The following AOAH variants were observed in gnomAD, a reference collection of about 807,000 sequenced individuals.
AOAH encodes acyloxyacyl hydrolase (neutrophil).
A neutral mutation model predicts 92.2 loss-of-function variants in AOAH; 64 were observed. The observed-to-expected ratio is 0.69, with a 90% CI of 0.57 to 0.86. The LOEUF (loss-of-function observed/expected upper bound fraction) is 0.86, where lower values mean the gene tolerates loss of function less well. AOAH is among the 40% of genes least tolerant of loss of function. The pLI is 0.00. For missense variants in AOAH, 656 were observed against 694.6 expected, an observed-to-expected ratio of 0.94 and a Z score of 0.62; for synonymous variants, 263 against 254.5, an observed-to-expected ratio of 1.03 and a Z score of -0.32.
At chr7:36,577,028 T>C (rs1788559783) in intron 12 of AOAH, among the ~76,000 whole-genome samples, 1 of 150,980 alleles carries the variant, frequency 6.6e-6, no homozygotes, top group Admixed American at 6.6e-5. Flanking sequence ...GCCTTTCTTT[T>C]TTTTTTTTTT....
At chr7:36,545,678 G>C (rs1785760150) in intron 15 of AOAH, among the ~76,000 whole-genome samples, 1 of 152,308 alleles carries the variant, frequency 6.6e-6, no homozygotes, top group African/African-American at 2.4e-5. Context: ...AGAATATGAT[G>C]CTTGTATGAA....
chr7:36,702,193 G>A (rs1798072481), intron 1 of AOAH, among the ~76,000 whole-genome samples: 1 of 152,122 alleles, frequency 6.6e-6, no homozygotes. Flanking sequence ...AAGTGTTTGT[G>A]TGTATGTGCA....
chr7:36,690,528 C>T (rs760436601), intron 1 of AOAH, among the ~76,000 whole-genome samples: 6 of 152,200 alleles, frequency 3.9e-5, no homozygotes, highest in Non-Finnish European at 7.3e-5. Flanking sequence ...TAAGAGGTTT[C>T]GCTTCCTTGA....
chr7:36,551,615 T>C (rs891922046), intron 13 of AOAH, among the ~76,000 whole-genome samples: 5 of 152,242 alleles, frequency 3.3e-5, no homozygotes, highest in Non-Finnish European at 5.9e-5. Context: ...GCTCATGTCA[T>C]ACTTGTCCTT....
chr7:36,617,949 T>C (rs560029394), intron 10 of AOAH, among the ~76,000 whole-genome samples: 1 of 152,348 alleles, frequency 6.6e-6, no homozygotes, highest in East Asian at 1.9e-4. Context: ...TAGAGGAAAA[T>C]GCAAAAGATT....
chr7:36,618,476 C>A, intron 9 of AOAH, 131 bp from the exon 10 acceptor site: 2 of 794,734 alleles, frequency 2.5e-6, no homozygotes, highest in South Asian at 1.6e-5. Context: ...GTTTCTTAAG[C>A]CCCTAATTCA....
chr7:36,643,105 T>C (rs1294632306), intron 4 of AOAH, among the ~76,000 whole-genome samples: 2 of 152,230 alleles, frequency 1.3e-5, no homozygotes, highest in Non-Finnish European at 2.9e-5. Context: ...AAGAGTATAA[T>C]AATTGCAACA....
At chr7:36,562,223 C>T (rs1348835951) in intron 13 of AOAH, among the ~76,000 whole-genome samples, 1 of 152,130 alleles carries the variant, frequency 6.6e-6, no homozygotes, top group Non-Finnish European at 1.5e-5. Flanking sequence ...CATTTTGTGT[C>T]TCTCTCCTTC....
chr7:36,672,296 T>G (rs1037683163), intron 3 of AOAH, among the ~76,000 whole-genome samples: 15 of 152,182 alleles, frequency 9.9e-5, no homozygotes, highest in African/African-American at 3.4e-4. Context: ...GGGGATGCTG[T>G]CTTGTGAACA....
At chr7:36,556,026 C>G (rs1170926360) in intron 13 of AOAH, among the ~76,000 whole-genome samples, 1 of 152,094 alleles carries the variant, frequency 6.6e-6, no homozygotes, top group Admixed American at 6.5e-5. Context: ...CTTCTGCTAG[C>G]TTTTGAATGT....
intron 4 of AOAH, 117 bp from the exon 5 acceptor site, chr7:36,638,027 A>G: frequency 1.3e-6 from 1 of 777,764 alleles, no homozygotes; most frequent in Non-Finnish European, 2.1e-6. Flanking sequence ...CCACTCCATA[A>G]ATTTGTAATA....
intron 11 of AOAH, among the ~76,000 whole-genome samples, chr7:36,611,229 A>G (rs1791429831): frequency 6.6e-6 from 1 of 152,170 alleles, no homozygotes; most frequent in South Asian, 2.1e-4. Context: ...GGCTTAAAAC[A>G]GGTGACAAAA....
intron 1 of AOAH, among the ~76,000 whole-genome samples, chr7:36,695,006 C>T (rs1047059043): frequency 1.3e-5 from 2 of 152,126 alleles, no homozygotes; most frequent in Non-Finnish European, 2.9e-5. Flanking sequence ...TATACACAAA[C>T]CTACTTGCTA....
intron 1 of AOAH, among the ~76,000 whole-genome samples, chr7:36,691,325 AAAG>A (rs1797383211): frequency 6.6e-6 from 1 of 152,238 alleles, no homozygotes; most frequent in African/African-American, 2.4e-5. Context: ...GGTGAAAAGA[AAAG>A]AAGAAAGAAA....
In AOAH at chr7:36,516,740, T is replaced by G. The variant is rs1275221191; in HGVS notation, c.1600-3360A>C. Among the ~76,000 whole-genome samples, 2 of 152,182 alleles carry G rather than the reference T, an allele frequency of 1.3e-5. No homozygotes were observed. Among genetic ancestry groups the G allele is most frequent in the Non-Finnish European group, 2.9e-5 (2 of 68,030 alleles). ...CTTTTTTGTGTTATTGGCTTTCAAC[T>G]TGATACACCTAAGCTCTTTCTAACA... On this transcript the variant is annotated intron_variant, in intron 20 of 20. Coordinates refer to ENST00000617537, the MANE Select transcript of AOAH (RefSeq NM_001637.4). The surrounding 1 kb of genome is among the most constrained non-coding windows in gnomAD (Gnocchi z 5.0).
Position 36,724,128 on chromosome 7 carries a change from G to T in AOAH, c.21C>A (p.Ile7=). MQSPWK[I]LTVAPLFLLL... ...GCAAGAATAGAGGCGCCACCGTAAGGATTTTCCAGGGGGACTGCATCTCCG... is the reference window on the plus strand; with the variant it reads ...GCAAGAATAGAGGCGCCACCGTAAGTATTTTCCAGGGGGACTGCATCTCCG... Residue 7 remains isoleucine, a synonymous_variant, in exon 1 of 21, where the codon ATC becomes ATA. Coordinates refer to ENST00000617537, the MANE Select transcript of AOAH (RefSeq NM_001637.4). The T allele has an allele frequency of 6.2e-7, 1 of 1,613,478 alleles. No individual in the cohort carries two copies. The highest frequency in any genetic ancestry group is 1.1e-5 in the South Asian group (1 of 91,060).
chr7:36,547,819 A>G (rs1405280103), intron 15 of AOAH, among the ~76,000 whole-genome samples: 1 of 152,224 alleles, frequency 6.6e-6, no homozygotes, highest in Non-Finnish European at 1.5e-5. Context: ...CCAGCAGTTT[A>G]GCAAAATCAC....
At chr7:36,663,659 T>C (rs536384187) in intron 3 of AOAH, among the ~76,000 whole-genome samples, 2 of 152,334 alleles carry the variant, frequency 1.3e-5, no homozygotes, top group South Asian at 2.1e-4. Flanking sequence ...CATTTCCTTT[T>C]ATTGCTGAAC....
Position 36,724,047 on chromosome 7 carries a change from G to A in AOAH, c.102C>T (p.Ser34=), listed in dbSNP as rs771995283. 5.6e-6 allele frequency: 9 copies of A among 1,613,594 alleles called. No individual in the cohort carries two copies. Among genetic ancestry groups the A allele is most frequent in the Middle Eastern group, 3.3e-4 (2 of 6,058 alleles). ...CTACACAGGTGTGCCCATTCGAGAG[G>A]CTGGGCCTGGACTGGTCATCGTTGG... ...SPANDDQSRP[S]LSNGHTCVGC... Residue 34 remains serine, a synonymous_variant, in exon 1 of 21, where the codon AGC becomes AGT. Coordinates refer to ENST00000617537, the MANE Select transcript of AOAH (RefSeq NM_001637.4).
Sources: allele counts gnomAD v4.1 joint callset (sites outside exome capture counted in the v4.1 genomes callset), GRCh38; gene constraint gnomAD v4.1.1; non-coding constraint Gnocchi (gnomAD v3.1); transcripts MANE v1.5; gene names NCBI Gene and HGNC (gene_info 2026-07-23, HGNC 2026-07-21).